The following TAB2 variants were observed in gnomAD, a reference collection of about 807,000 sequenced individuals.
TAB2 encodes the protein TGF-beta activated kinase 1 (MAP3K7) binding protein 2.
In TAB2, 3 loss-of-function variants were observed where a neutral mutation model predicts 65.0. That is an observed-to-expected ratio of 0.05 (90% CI 0.02 to 0.12). The LOEUF (loss-of-function observed/expected upper bound fraction) is 0.12. TAB2 is among the 10% of genes least tolerant of loss of function. The pLI is 1.00. For synonymous variants in TAB2, 298 were observed against 285.1 expected (o/e 1.05, Z -0.46); for missense variants, 623 against 840.3 (o/e 0.74, Z 3.20).
intron 1 of TAB2, among the ~76,000 whole-genome samples, chr6:149,291,052 G>T (rs1778767670): frequency 6.6e-6 from 1 of 152,316 alleles, no homozygotes; most frequent in African/African-American, 2.4e-5. Flanking sequence ...AAAATAATGG[G>T]ATGTAAATTG....
intron 1 of TAB2, among the ~76,000 whole-genome samples, chr6:149,228,663 C>T (rs543119365): frequency 3.3e-5 from 5 of 152,310 alleles, no homozygotes; most frequent in Non-Finnish European, 7.4e-5. Context: ...AGCCTCTGAC[C>T]GGCTACAGCA....
intron 3 of TAB2, among the ~76,000 whole-genome samples, chr6:149,381,865 C>T (rs1249553877): frequency 6.6e-6 from 1 of 152,052 alleles, no homozygotes; most frequent in Non-Finnish European, 1.5e-5. Context: ...GACCTCCACA[C>T]CTGGCCTGTG....
At chr6:149,230,626 G>A (rs1358662269) in intron 1 of TAB2, among the ~76,000 whole-genome samples, 1 of 152,210 alleles carries the variant, frequency 6.6e-6, no homozygotes, top group Admixed American at 6.5e-5. Context: ...TGGTCCATGT[G>A]ATGCTTGACT....
chr6:149,224,539 T>C (rs1360897028), intron 1 of TAB2, among the ~76,000 whole-genome samples: 2 of 152,082 alleles, frequency 1.3e-5, no homozygotes, highest in African/African-American at 4.8e-5. Flanking sequence ...TAATCCTTGG[T>C]TTAGTATAAC....
intron 2 of TAB2, among the ~76,000 whole-genome samples, chr6:149,371,521 A>G (rs2114862347): frequency 6.6e-6 from 1 of 152,302 alleles, no homozygotes; most frequent in African/African-American, 2.4e-5. Context: ...AATGGTTAAG[A>G]GCATATCTTT....
intron 1 of TAB2, among the ~76,000 whole-genome samples, chr6:149,304,815 C>T (rs561597265): frequency 1.2e-4 from 18 of 152,286 alleles, no homozygotes; most frequent in African/African-American, 4.3e-4. Context: ...AGAATACCTC[C>T]ACCTCCAGTC....
chr6:149,251,188 C>T (rs1777853563), intron 1 of TAB2, among the ~76,000 whole-genome samples: 2 of 152,180 alleles, frequency 1.3e-5, no homozygotes, highest in African/African-American at 4.8e-5. Flanking sequence ...AACGTGGACA[C>T]CTCAGACTCC....
At chr6:149,290,830 A>C (rs1046569291) in intron 1 of TAB2, among the ~76,000 whole-genome samples, 1 of 152,184 alleles carries the variant, frequency 6.6e-6, no homozygotes, top group Non-Finnish European at 1.5e-5. Context: ...GGGCAACAGG[A>C]GTGAAACCCT....
intron 2 of TAB2, among the ~76,000 whole-genome samples, chr6:149,374,337 A>T (rs1427314559): frequency 4.6e-5 from 7 of 152,170 alleles, no homozygotes; most frequent in Non-Finnish European, 2.9e-5. Context: ...CTGCTACTTC[A>T]GCCTTCTGAG....
intron 1 of TAB2, among the ~76,000 whole-genome samples, chr6:149,281,237 C>T (rs1177617126): frequency 1.3e-5 from 2 of 151,692 alleles, no homozygotes; most frequent in Non-Finnish European, 2.9e-5. Context: ...GGCAGAAAGA[C>T]AGGGAGAAGT....
At chr6:149,404,305 G>GA (rs1782588579) in intron 6 of TAB2, among the ~76,000 whole-genome samples, 1 of 152,078 alleles carries the variant, frequency 6.6e-6, no homozygotes, top group African/African-American at 2.4e-5. Flanking sequence ...CAGATAAATA[G>GA]AAACGTAGCC....
intron 1 of TAB2, among the ~76,000 whole-genome samples, chr6:149,253,662 G>A (rs928709571): frequency 3.5e-5 from 5 of 144,320 alleles, no homozygotes; most frequent in Admixed American, 2.9e-4. Flanking sequence ...GATGGCTCAC[G>A]CTTGTAATCC....
At chr6:149,342,355 TTG>T (rs753369983) in intron 1 of TAB2, among the ~76,000 whole-genome samples, 92 of 152,320 alleles carry the variant, frequency 6.0e-4, no homozygotes, top group Admixed American at 1.3e-3. Flanking sequence ...GATTTTGTTG[TTG>T]TTTTTCTCTT....
At chr6:149,375,939 A>G (rs1368516462) in intron 2 of TAB2, among the ~76,000 whole-genome samples, 1 of 152,084 alleles carries the variant, frequency 6.6e-6, no homozygotes. Flanking sequence ...AACAATGTGA[A>G]CTGTCATTTC....
At chr6:149,270,512 T>C (rs1778340664) in intron 1 of TAB2, among the ~76,000 whole-genome samples, 1 of 152,184 alleles carries the variant, frequency 6.6e-6, no homozygotes, top group Non-Finnish European at 1.5e-5. Context: ...ATTTTAAGTA[T>C]TCTCACCACA....
chr6:149,405,159 A>G (rs1305929410), intron 6 of TAB2, among the ~76,000 whole-genome samples: 1 of 152,244 alleles, frequency 6.6e-6, no homozygotes, highest in African/African-American at 2.4e-5. Context: ...AGGTATATTG[A>G]AAGGTACTCA....
chr6:149,411,201 G>A lies in TAB2; in HGVS notation c.*1482G>A, dbSNP rs1480084365. 1.3e-5 allele frequency: 2 copies of A among 152,596 alleles called. No individual in the cohort carries two copies. The highest frequency in any genetic ancestry group is 2.9e-5 in the Non-Finnish European group (2 of 68,030). The allele number at this position is 152,596 out of a possible 1,614,324, so 9.5% of individuals were successfully genotyped here. A position where few individuals can be genotyped will look rare whatever the true frequency, so the allele number is the denominator to read the frequency against. ...TATGAGTGCTTAGAATGGGGCTAAG[G>A]GAAGTGCTGAAATAGAGCAAAGGAT... On this transcript the variant is annotated 3_prime_UTR_variant, in exon 7 of 7. Coordinates refer to ENST00000637181, the MANE Select transcript of TAB2 (RefSeq NM_001292034.3).
At chr6:149,382,606 A>G (rs1583144725) in intron 3 of TAB2, among the ~76,000 whole-genome samples, 1 of 152,216 alleles carries the variant, frequency 6.6e-6, no homozygotes, top group East Asian at 1.9e-4. Context: ...GGAAAAAAAA[A>G]AAAATTCTAA....
intron 1 of TAB2, among the ~76,000 whole-genome samples, chr6:149,309,541 C>T (rs911092542): frequency 3.9e-5 from 6 of 151,978 alleles, no homozygotes; most frequent in African/African-American, 1.2e-4. Flanking sequence ...GGACTACAGG[C>T]GCCCGCCACC....
Sources: gnomAD v4.1 joint callset for allele counts (sites outside exome capture counted in the v4.1 genomes callset) on GRCh38, gnomAD v4.1.1 for gene constraint, MANE v1.5 for transcripts, NCBI Gene and HGNC (gene_info 2026-07-23, HGNC 2026-07-21) for gene names.